Variants in AGBL4 observed in about 807,000 individuals in gnomAD.
AGBL4 encodes the protein cytosolic carboxypeptidase 6.
Under a neutral mutation model 66.4 loss-of-function variants are expected in AGBL4, and 58 were observed. The ratio of observed to expected loss-of-function variants is 0.87; its 90% CI spans 0.71 to 1.09. The LOEUF is 1.09. Among genes scored for constraint, AGBL4 ranks in the 50% least tolerant of loss-of-function variants. The pLI is 0.00. For synonymous variants in AGBL4, 234 were observed against 222.9 expected, an observed-to-expected ratio of 1.05 and a Z score of -0.44; for missense variants, 579 against 631.0, an observed-to-expected ratio of 0.92 and a Z score of 0.88.
At chr1:48,647,069 T>C (rs1645849168) in intron 8 of AGBL4, among the ~76,000 whole-genome samples, 1 of 152,156 alleles carries the variant, frequency 6.6e-6, no homozygotes, top group Admixed American at 6.5e-5. Context: ...CAACAAACCT[T>C]AGTTATACTG....
intron 3 of AGBL4, among the ~76,000 whole-genome samples, chr1:49,254,997 T>C (rs1652362592): frequency 6.6e-6 from 1 of 152,088 alleles, no homozygotes; most frequent in South Asian, 2.1e-4. Flanking sequence ...CCTTACACCA[T>C]CTACAAAAAT....
intron 1 of AGBL4, among the ~76,000 whole-genome samples, chr1:49,979,027 A>G (rs1340468949): frequency 1.3e-5 from 2 of 152,208 alleles, no homozygotes; most frequent in Non-Finnish European, 2.9e-5. Context: ...TAGATGAACA[A>G]TGTGGCCTAG....
At chr1:49,873,412 G>A (rs971354251) in intron 1 of AGBL4, among the ~76,000 whole-genome samples, 8 of 151,634 alleles carry the variant, frequency 5.3e-5, no homozygotes, top group African/African-American at 1.9e-4. Flanking sequence ...AATGTGAAAG[G>A]AAAACAAAAA....
At chr1:48,730,638 T>C (rs1647957853) in intron 6 of AGBL4, among the ~76,000 whole-genome samples, 1 of 152,152 alleles carries the variant, frequency 6.6e-6, no homozygotes, top group South Asian at 2.1e-4. Flanking sequence ...ATCATTCTCA[T>C]TTCCTGTGGG....
At chr1:48,980,992 C>G (rs1198903321) in intron 5 of AGBL4, among the ~76,000 whole-genome samples, 1 of 151,894 alleles carries the variant, frequency 6.6e-6, no homozygotes, top group Non-Finnish European at 1.5e-5. Context: ...TTAAATCTGA[C>G]CTCTGGTAAT....
intron 4 of AGBL4, among the ~76,000 whole-genome samples, chr1:49,125,640 C>G (rs930180933): frequency 2.6e-5 from 4 of 152,112 alleles, no homozygotes; most frequent in Non-Finnish European, 5.9e-5. Flanking sequence ...TAGAAAGTAG[C>G]TGATTGTACA....
At chr1:48,553,082 A>G (rs1298390810) in intron 11 of AGBL4, among the ~76,000 whole-genome samples, 1 of 151,936 alleles carries the variant, frequency 6.6e-6, no homozygotes, top group Non-Finnish European at 1.5e-5. Flanking sequence ...CAAATCCCAC[A>G]CTATCACTTG....
intron 5 of AGBL4, among the ~76,000 whole-genome samples, chr1:48,928,300 T>G (rs1280933089): frequency 6.6e-6 from 1 of 152,170 alleles, no homozygotes; most frequent in African/African-American, 2.4e-5. Context: ...GGGTTTGAAC[T>G]CAATTAAAAA....
At chr1:49,384,281 A>T (rs1644687405) in intron 3 of AGBL4, among the ~76,000 whole-genome samples, 2 of 152,100 alleles carry the variant, frequency 1.3e-5, no homozygotes, top group Non-Finnish European at 2.9e-5. Flanking sequence ...TTCGGAAGAG[A>T]CAATTGTGAA....
At chr1:48,813,490 G>C (rs1646104336) in intron 6 of AGBL4, among the ~76,000 whole-genome samples, 1 of 152,186 alleles carries the variant, frequency 6.6e-6, no homozygotes, top group Admixed American at 6.5e-5. Context: ...AGAGAAGAGA[G>C]AAGTGATTCC....
rs532831238 is a variant in AGBL4, at chr1:49,863,555, G to A, written c.35-12037C>T. Among the ~76,000 whole-genome samples, 4 of 152,134 alleles carry A rather than the reference G, an allele frequency of 2.6e-5. No homozygotes were observed. In the East Asian group the frequency reaches 7.7e-4, roughly 29 times the overall value. On this transcript the variant is annotated intron_variant, in intron 1 of 13. Transcript: ENST00000371839. Reference sequence around the variant, plus strand: ...TCATCTGACAAATAATTAATAACAAGAATATATAAGGAGCTCAAATAACCC... The same window carrying A: ...TCATCTGACAAATAATTAATAACAAAAATATATAAGGAGCTCAAATAACCC...
intron 1 of AGBL4, among the ~76,000 whole-genome samples, chr1:49,880,310 T>C (rs1647183429): frequency 1.3e-5 from 2 of 151,890 alleles, no homozygotes; most frequent in Non-Finnish European, 2.9e-5. Context: ...TTTTGGTCTT[T>C]GATGATGGTG....
At chr1:49,870,222 G>T (rs1275654643) in intron 1 of AGBL4, among the ~76,000 whole-genome samples, 3 of 152,022 alleles carry the variant, frequency 2.0e-5, no homozygotes, top group African/African-American at 7.2e-5. Context: ...TATTCACAAT[G>T]AAATAGTTTT....
At chr1:48,537,886 C>T (rs1184936727) in intron 12 of AGBL4, among the ~76,000 whole-genome samples, 1 of 152,168 alleles carries the variant, frequency 6.6e-6, no homozygotes, top group African/African-American at 2.4e-5. Context: ...GATGTGAGCT[C>T]CTCAGAGGCA....
intron 3 of AGBL4, among the ~76,000 whole-genome samples, chr1:49,339,211 C>A (rs1028529705): frequency 2.0e-5 from 3 of 152,122 alleles, no homozygotes; most frequent in Non-Finnish European, 4.4e-5. Flanking sequence ...AGCTCCCAGG[C>A]TAACTCTAAA....
chr1:49,035,906 G>A (rs181470976), intron 5 of AGBL4, among the ~76,000 whole-genome samples: 56 of 151,962 alleles, frequency 3.7e-4, no homozygotes, highest in Non-Finnish European at 6.0e-4. Flanking sequence ...ACAAATGACC[G>A]CTAAACACTG....
chr1:48,591,885 T>C (rs1644924301), intron 9 of AGBL4, among the ~76,000 whole-genome samples: 1 of 152,328 alleles, frequency 6.6e-6, no homozygotes, highest in East Asian at 1.9e-4. Context: ...AGGAGGATTG[T>C]CTATAAAGAG....
In AGBL4 at chr1:48,728,129, C is replaced by T. The variant is rs958554900; in HGVS notation, c.635-64888G>A. On this transcript the variant is annotated intron_variant, in intron 6 of 13. Coordinates refer to ENST00000371839, the MANE Select transcript of AGBL4 (RefSeq NM_032785.4). ...AGGAGGGTAAAAGAAAATGTACCTC[C>T]CAACATACTTCCCAAATACCAGCTT... The T allele has an allele frequency of 8.9e-6, 11 of 1,232,612 alleles. No individual in the cohort carries two copies. In the African/African-American group the frequency reaches 1.5e-4, roughly 17 times the overall value. The allele number at this position is 1,232,612 out of a possible 1,614,324, so 76.4% of individuals were successfully genotyped here.
intron 11 of AGBL4, among the ~76,000 whole-genome samples, chr1:48,553,525 A>G (rs1337192419): frequency 6.6e-6 from 1 of 151,982 alleles, no homozygotes; most frequent in Admixed American, 6.6e-5. Context: ...CAGTTTTCCA[A>G]TCTGTAAATT....
Sources: gnomAD v4.1 joint callset for allele counts (sites outside exome capture counted in the v4.1 genomes callset) on GRCh38, gnomAD v4.1.1 for gene constraint, MANE v1.5 for transcripts, NCBI Gene and HGNC (gene_info 2026-07-23, HGNC 2026-07-21) for gene names.